The following PCDHGB2 variants were observed in gnomAD, a reference collection of about 807,000 sequenced individuals.
The protein encoded by PCDHGB2 is protocadherin gamma-B2.
PCDHGB2 carries 55 observed loss-of-function variants against 59.3 expected under a neutral mutation model. That is an observed-to-expected ratio of 0.93 (90% CI 0.75 to 1.16). The LOEUF is 1.16. PCDHGB2 is among the 50% of genes most tolerant of loss of function. The pLI is 0.00. For synonymous variants in PCDHGB2, 516 were observed against 512.0 expected, an observed-to-expected ratio of 1.01 and a Z score of -0.11; for missense variants, 1,228 against 1,198.5, an observed-to-expected ratio of 1.02 and a Z score of -0.36.
At chr5:141,496,373 C>T (rs1315450867) in intron 2 of PCDHGB2, among the ~76,000 whole-genome samples, 2 of 152,216 alleles carry the variant, frequency 1.3e-5, no homozygotes. Flanking sequence ...GAAGCAGGAG[C>T]TTGGGCCACC....
chr5:141,476,023 G>T lies in PCDHGB2; in HGVS notation c.2422-18784G>T. On this transcript the variant is annotated intron_variant, in intron 1 of 3. Coordinates refer to ENST00000522605, the MANE Select transcript of PCDHGB2 (RefSeq NM_018923.3). The surrounding 1 kb of genome is among the most constrained non-coding windows in gnomAD (Gnocchi z 7.6). Reference sequence around the variant, plus strand: ...CATCCAGAAAGCCATGTCGGACTCGGCGCCCAGCGCCCAAGCGCTAACCCG... The same window carrying T: ...CATCCAGAAAGCCATGTCGGACTCGTCGCCCAGCGCCCAAGCGCTAACCCG... The T allele has an allele frequency of 7.1e-7, 1 of 1,415,690 alleles. No individual in the cohort carries two copies. Among genetic ancestry groups the T allele is most frequent in the Non-Finnish European group, 9.5e-7 (1 of 1,057,324 alleles). 87.7% of individuals were successfully genotyped at this position (1,415,690 alleles called of 1,614,324 possible).
rs367698678 is a variant in PCDHGB2 at position 141,374,080 on chromosome 5, A to G, written c.2421+11524A>G. The G allele has an allele frequency of 6.6e-6, 10 of 1,519,950 alleles. No individual in the cohort carries two copies. In the African/African-American group the frequency reaches 1.4e-4, roughly 21 times the overall value. 94.2% of individuals were successfully genotyped at this position (1,519,950 alleles called of 1,614,324 possible). A position where few individuals can be genotyped will look rare whatever the true frequency, so the allele number is the denominator to read the frequency against. On this transcript the variant is annotated intron_variant, in intron 1 of 3. Coordinates refer to ENST00000522605, the MANE Select transcript of PCDHGB2 (RefSeq NM_018923.3). The stretch of plus-strand genomic sequence containing the variant: ...ATCCCAGAGAAGTTCCTAATAAGCC[A>G]GTAATGGCGCCTCCGCAGAGGCATC...
intron 1 of PCDHGB2, chr5:141,414,963 G>T (rs2095808106): frequency 1.1e-5 from 17 of 1,614,006 alleles, no homozygotes; most frequent in Non-Finnish European, 1.4e-5. Context: ...CCAAGGTGGT[G>T]GCGGTGGACA....
Position 141,361,888 on chromosome 5 carries a change from G to T in PCDHGB2, c.1753G>T (p.Gly585Cys), listed in dbSNP as rs201231976. 1 of 1,610,098 alleles carries T rather than the reference G, an allele frequency of 6.2e-7. No individual in the cohort carries two copies. Among genetic ancestry groups the T allele is most frequent in the African/African-American group, 1.3e-5 (1 of 74,874 alleles). Residue 585 changes from glycine (G) to cysteine (C), a missense_variant, in exon 1 of 4, where the codon GGC (glycine) becomes TGC (cysteine). Physicochemically the swap from Gly to Cys is radical, Grantham distance 159. Coordinates refer to ENST00000522605, the MANE Select transcript of PCDHGB2 (RefSeq NM_018923.3). Reference sequence around the variant, plus strand: ...TATGGTGCCACGCGCCGCAGAGCCCGGCTACCTGGTGACCAAGGTGGTGGC... The same window carrying T: ...TATGGTGCCACGCGCCGCAGAGCCCTGCTACCTGGTGACCAAGGTGGTGGC... ...FDMVPRAAEP[G>C]YLVTKVVAVD...
intron 1 of PCDHGB2, chr5:141,418,432 T>A: frequency 6.2e-7 from 1 of 1,613,956 alleles, no homozygotes; most frequent in East Asian, 2.2e-5. Context: ...GTGGCAAATA[T>A]CCAGAATTAG....
rs749415234 is a variant in PCDHGB2, at chr5:141,419,462, C to A, written c.2421+56906C>A. On this transcript the variant is annotated intron_variant, in intron 1 of 3. Transcript: ENST00000522605. Reference sequence around the variant, plus strand: ...CACCTTCGAGCTCACGCTGCAGGCCCGCGACCAGGGCTCGCCCGCGCTCAG... The same window carrying A: ...CACCTTCGAGCTCACGCTGCAGGCCAGCGACCAGGGCTCGCCCGCGCTCAG... 2.5e-6 allele frequency: 4 copies of A among 1,612,582 alleles called. No homozygotes were observed. In the Admixed American group the frequency reaches 6.7e-5, roughly 27 times the overall value.
Position 141,387,642 on chromosome 5 carries a change from C to G in PCDHGB2, c.2421+25086C>G, listed in dbSNP as rs554256672. The G allele has an allele frequency of 4.8e-6, 3 of 622,368 alleles. No homozygotes were observed. In the Admixed American group the frequency reaches 1.0e-4, roughly 21 times the overall value. The allele number at this position is 622,368 out of a possible 1,614,324, so 38.6% of individuals were successfully genotyped here. A position where few individuals can be genotyped will look rare whatever the true frequency, so the allele number is the denominator to read the frequency against. On this transcript the variant is annotated intron_variant, in intron 1 of 3. Transcript: ENST00000522605. Reference sequence around the variant, plus strand: ...TGCTGACTCTGGGCGCCGCTGTTGGCCAAAGTGGAGAGCTTGGCGCTCCAG... The same window carrying G: ...TGCTGACTCTGGGCGCCGCTGTTGGGCAAAGTGGAGAGCTTGGCGCTCCAG...
rs769249726 is a variant in PCDHGB2 at position 141,490,832 on chromosome 5, A to C, written c.2422-3975A>C. On this transcript the variant is annotated intron_variant, in intron 1 of 3. Transcript: ENST00000522605. This position sits in a 1 kb window ranked among gnomAD's most constrained non-coding sequence, Gnocchi z 5.4. Reference sequence around the variant, plus strand: ...GACTATGAATTGCTGCAGATGCTGCAGATTGTGGTGGGGGTTCGAGACTCC... The same window carrying C: ...GACTATGAATTGCTGCAGATGCTGCCGATTGTGGTGGGGGTTCGAGACTCC... 1.5e-5 allele frequency: 25 copies of C among 1,613,796 alleles called. No individual in the cohort carries two copies. In the South Asian group the frequency reaches 2.6e-4, roughly 17 times the overall value.
intron 1 of PCDHGB2, chr5:141,383,656 G>C: frequency 1.2e-6 from 2 of 1,614,008 alleles, no homozygotes; most frequent in South Asian, 1.1e-5. Flanking sequence ...AACTGTCCCC[G>C]AGAATGTGCC....
intron 1 of PCDHGB2, among the ~76,000 whole-genome samples, chr5:141,472,967 C>G (rs1040253926): frequency 1.7e-5 from 1 of 58,336 alleles, no homozygotes; most frequent in South Asian, 5.1e-4. Flanking sequence ...GCCTGGGGAA[C>G]AAGAGTGAAA....
intron 1 of PCDHGB2, among the ~76,000 whole-genome samples, chr5:141,435,652 G>A (rs978809372): frequency 3.9e-5 from 6 of 152,226 alleles, no homozygotes; most frequent in East Asian, 1.9e-4. Flanking sequence ...TTTCTGAAAC[G>A]TGCACAGATT....
chr5:141,476,554 G>A lies in PCDHGB2; in HGVS notation c.2422-18253G>A. On this transcript the variant is annotated intron_variant, in intron 1 of 3. Transcript: ENST00000522605. This position sits in a 1 kb window ranked among gnomAD's most constrained non-coding sequence, Gnocchi z 7.6. The stretch of plus-strand genomic sequence containing the variant: ...AGGAAATGAAATTGGAGATTAGCGA[G>A]GCCGTGGCTCCGGGGACGCGCTTTC... 1 of 1,614,232 alleles carries A rather than the reference G, an allele frequency of 6.2e-7. No individual in the cohort carries two copies. Among genetic ancestry groups the A allele is most frequent in the Non-Finnish European group, 8.5e-7 (1 of 1,180,036 alleles).
chr5:141,389,010 C>T (rs141101630), intron 1 of PCDHGB2: 2 of 1,613,862 alleles, frequency 1.2e-6, no homozygotes, highest in African/African-American at 2.7e-5. Flanking sequence ...GGATTCCAGA[C>T]ACAATGGAGA....
chr5:141,433,048 G>T (rs777523454), intron 1 of PCDHGB2: 20 of 1,614,142 alleles, frequency 1.2e-5, no homozygotes, highest in Non-Finnish European at 1.5e-5. Flanking sequence ...CCACGGACTC[G>T]CGGAAGAGTC....
chr5:141,370,403 T>C (rs1766874006), intron 1 of PCDHGB2: 2 of 1,554,604 alleles, frequency 1.3e-6, no homozygotes, highest in Non-Finnish European at 1.7e-6. Context: ...GGATGGGAAA[T>C]AGCTCCGGAT....
intron 1 of PCDHGB2, chr5:141,367,567 A>C (rs1357501052): frequency 1.3e-5 from 2 of 150,962 alleles, no homozygotes; most frequent in Non-Finnish European, 3.0e-5. Flanking sequence ...TAAATAAATA[A>C]ATAAATATCA....
Position 141,374,348 on chromosome 5 carries a change from AG to A in PCDHGB2, c.2421+11794del, listed in dbSNP as rs750321680. The A allele has an allele frequency of 1.9e-6, 3 of 1,613,910 alleles. No individual in the cohort carries two copies. The African/African-American group carries it at 4.0e-5, about 22-fold the overall frequency. On this transcript the variant is annotated intron_variant, in intron 1 of 3. Coordinates refer to ENST00000522605, the MANE Select transcript of PCDHGB2 (RefSeq NM_018923.3). ...AAACGGCAGCTTGGTCACCGCGGGT[AG>A]GATAGACCGCGAGGAGCTCTGTGCT...
chr5:141,477,536 G>T lies in PCDHGB2; in HGVS notation c.2422-17271G>T. 1.2e-6 allele frequency: 2 copies of T among 1,614,076 alleles called. No homozygotes were observed. Among genetic ancestry groups the T allele is most frequent in the Non-Finnish European group, 1.7e-6 (2 of 1,180,018 alleles). ...CATTGAAGAAAACAACCTCCCCGGG[G>T]CTCCAATACTAAACCTAAGTGTCTG... On this transcript the variant is annotated intron_variant, in intron 1 of 3. Coordinates refer to ENST00000522605, the MANE Select transcript of PCDHGB2 (RefSeq NM_018923.3). The surrounding 1 kb of genome is among the most constrained non-coding windows in gnomAD (Gnocchi z 4.9).
At chr5:141,410,561 G>A (rs201832666) in intron 1 of PCDHGB2, 1 of 1,612,698 alleles carries the variant, frequency 6.2e-7, no homozygotes, top group Non-Finnish European at 8.5e-7. Flanking sequence ...TTCTCCTGGA[G>A]CCTTAATTCC....
Sources: allele counts gnomAD v4.1 joint callset (sites outside exome capture counted in the v4.1 genomes callset), GRCh38; gene constraint gnomAD v4.1.1; non-coding constraint Gnocchi (gnomAD v3.1); transcripts MANE v1.5; gene names NCBI Gene and HGNC (gene_info 2026-07-23, HGNC 2026-07-21).